The following FBXL13 variants were observed in gnomAD, a reference collection of about 807,000 sequenced individuals.
FBXL13 encodes F-box and leucine-rich repeat protein 13.
Under a neutral mutation model 83.6 loss-of-function variants are expected in FBXL13, and 67 were observed. That is an observed-to-expected ratio of 0.80 (90% confidence interval 0.66 to 0.98). FBXL13 has a LOEUF of 0.98. FBXL13 is among the 50% of genes least tolerant of loss of function. The pLI, the probability that FBXL13 is intolerant of heterozygous loss-of-function variation, is 0.00. For missense variants in FBXL13, 822 were observed against 866.5 expected (o/e 0.95, Z 0.64); for synonymous variants, 272 against 299.5 (o/e 0.91, Z 0.95).
chr7:102,915,011 C>A (rs143544342), intron 10 of FBXL13, among the ~76,000 whole-genome samples: 19 of 152,174 alleles, frequency 1.2e-4, no homozygotes, highest in African/African-American at 4.6e-4. Flanking sequence ...GCAAAATACA[C>A]AAGGTTTTTG....
At chr7:102,950,987 C>T (rs1486003007) in intron 8 of FBXL13, among the ~76,000 whole-genome samples, 5 of 151,952 alleles carry the variant, frequency 3.3e-5, no homozygotes. Flanking sequence ...AAGAGTGAAC[C>T]CTATATAAAC....
intron 11 of FBXL13, among the ~76,000 whole-genome samples, chr7:102,902,544 T>C (rs998987008): frequency 1.3e-5 from 2 of 152,212 alleles, no homozygotes; most frequent in African/African-American, 4.8e-5. Flanking sequence ...CAATGTTCTC[T>C]TGTAGTAGTT....
At chr7:103,048,712 GAAC>G (rs747141848) in intron 2 of FBXL13, among the ~76,000 whole-genome samples, 2 of 152,088 alleles carry the variant, frequency 1.3e-5, no homozygotes, top group East Asian at 1.9e-4. Context: ...CAGAAAAACT[GAAC>G]AATACACTTT....
intron 2 of FBXL13, among the ~76,000 whole-genome samples, chr7:103,048,572 T>C (rs1796511394): frequency 6.6e-6 from 1 of 152,206 alleles, no homozygotes; most frequent in African/African-American, 2.4e-5. Flanking sequence ...CAAATCTATC[T>C]AATCTTAATC....
In FBXL13 at chr7:102,878,348, A is replaced by G. The variant is rs73408209; in HGVS notation, c.1491T>C (p.Val497=). 6.6e-3 allele frequency: 10,587 copies of G among 1,606,140 alleles called. 578 individuals are homozygous for G. In the African/African-American group the frequency reaches 0.13, roughly 19 times the overall value. ...TATCATACCGCTCAGATAGTTTCAT[A>G]ACAGAGGCATCACTTAGCCGCACAC... Residue 497 remains valine, a synonymous_variant, in exon 15 of 20, where the codon GTT becomes GTC. Transcript: ENST00000313221.
At chr7:103,068,511 A>T (rs1219724540) in intron 1 of FBXL13, among the ~76,000 whole-genome samples, 2 of 152,222 alleles carry the variant, frequency 1.3e-5, no homozygotes, top group Admixed American at 1.3e-4. Context: ...AAACAGACAC[A>T]TTACAAAAAT....
chr7:102,831,317 G>A (rs1800623980), intron 18 of FBXL13, among the ~76,000 whole-genome samples: 1 of 151,928 alleles, frequency 6.6e-6, no homozygotes, highest in Non-Finnish European at 1.5e-5. Context: ...GTAAGGTCTG[G>A]AGGGATGGGA....
chr7:103,032,885 G>A (rs116267212), intron 2 of FBXL13, among the ~76,000 whole-genome samples: 1,942 of 152,224 alleles, frequency 0.013, 45 homozygotes, highest in African/African-American at 0.045. Context: ...AAAAATTAGC[G>A]GGGTGTGGTG....
chr7:102,943,566 A>G (rs13242493), intron 8 of FBXL13, among the ~76,000 whole-genome samples: 112,695 of 152,046 alleles, frequency 0.74, 42,841 homozygotes, highest in Middle Eastern at 0.83. Flanking sequence ...TTGACTAAGC[A>G]TTAAACCAGA....
chr7:102,899,524 C>T (rs1438486061), intron 11 of FBXL13, among the ~76,000 whole-genome samples: 3 of 152,164 alleles, frequency 2.0e-5, no homozygotes, highest in East Asian at 3.9e-4. Flanking sequence ...CCAGGCCCTG[C>T]AAACTCAGGG....
chr7:102,828,921 A>G (rs1221023060), intron 18 of FBXL13, among the ~76,000 whole-genome samples: 3 of 152,260 alleles, frequency 2.0e-5, no homozygotes, highest in Non-Finnish European at 2.9e-5. Context: ...CCTTGGGCAC[A>G]CCCAGTTCTC....
intron 1 of FBXL13, among the ~76,000 whole-genome samples, chr7:103,064,528 T>A (rs766668772): frequency 1.1e-4 from 16 of 152,332 alleles, no homozygotes; most frequent in Admixed American, 7.8e-4. Context: ...GTGATGCTGT[T>A]GTGATCTATA....
chr7:102,818,593 C>T (rs138132590), intron 19 of FBXL13, among the ~76,000 whole-genome samples: 86 of 152,230 alleles, frequency 5.6e-4, no homozygotes, highest in African/African-American at 2.0e-3. Flanking sequence ...ACACAGATCT[C>T]CTAGAATGCC....
chr7:102,950,063 C>T (rs1397067819), intron 8 of FBXL13, among the ~76,000 whole-genome samples: 1 of 152,012 alleles, frequency 6.6e-6, no homozygotes, highest in Non-Finnish European at 1.5e-5. Flanking sequence ...CAAGATTGTA[C>T]CACTATATTC....
At chr7:103,000,372 G>A (rs1359981553) in intron 6 of FBXL13, among the ~76,000 whole-genome samples, 1 of 152,098 alleles carries the variant, frequency 6.6e-6, no homozygotes, top group Non-Finnish European at 1.5e-5. Flanking sequence ...AACAATGAAT[G>A]AATTTTTAAA....
intron 6 of FBXL13, chr7:102,973,675 G>A (rs370049398): frequency 7.8e-6 from 6 of 766,216 alleles, no homozygotes; most frequent in South Asian, 1.3e-5. Flanking sequence ...CTACCCCTCC[G>A]CCCCAGAAAG....
chr7:102,948,243 T>C (rs758337611), intron 8 of FBXL13, among the ~76,000 whole-genome samples: 21 of 151,650 alleles, frequency 1.4e-4, no homozygotes, highest in Non-Finnish European at 2.6e-4. Context: ...TTTATATTTT[T>C]AGTAGAGACA....
chr7:102,929,741 G>T (rs76188337), intron 9 of FBXL13, among the ~76,000 whole-genome samples: 73 of 152,002 alleles, frequency 4.8e-4, no homozygotes, highest in Non-Finnish European at 5.9e-5. Flanking sequence ...AGGGCCGGGG[G>T]TTGAGAGAAA....
intron 10 of FBXL13, among the ~76,000 whole-genome samples, chr7:102,920,292 A>C (rs1816729136): frequency 6.6e-6 from 1 of 152,250 alleles, no homozygotes; most frequent in African/African-American, 2.4e-5. Context: ...ACAGAGCAAA[A>C]GACAGAAATA....
Sources: gnomAD v4.1 joint callset for allele counts (sites outside exome capture counted in the v4.1 genomes callset) on GRCh38, gnomAD v4.1.1 for gene constraint, MANE v1.5 for transcripts, NCBI Gene and HGNC (gene_info 2026-07-23, HGNC 2026-07-21) for gene names.